HHIP: variants seen among roughly 807,000 people sequenced by gnomAD.
HHIP encodes the protein hedgehog interacting protein.
In HHIP, 12 loss-of-function variants were observed where a neutral mutation model predicts 74.0. That is an observed-to-expected ratio of 0.16 (90% confidence interval 0.10 to 0.26). HHIP has a LOEUF of 0.26. Ranked by LOEUF, HHIP falls within the 10% of genes least tolerant of loss-of-function variation. HHIP has a pLI of 1.00. For missense variants in HHIP, 788 were observed against 845.0 expected, an observed-to-expected ratio of 0.93 and a Z score of 0.84; for synonymous variants, 309 against 311.6, an observed-to-expected ratio of 0.99 and a Z score of 0.09.
chr4:144,710,125 T>C (rs1479851505), intron 7 of HHIP, among the ~76,000 whole-genome samples: 1 of 152,232 alleles, frequency 6.6e-6, no homozygotes, highest in Non-Finnish European at 1.5e-5. Flanking sequence ...GGACCTGGTA[T>C]TCAGCCAGAG....
intron 7 of HHIP, among the ~76,000 whole-genome samples, chr4:144,709,653 G>T (rs1281279241): frequency 1.3e-5 from 2 of 152,102 alleles, no homozygotes; most frequent in African/African-American, 4.8e-5. Context: ...AAAAATAAAG[G>T]GAACTTTTAT....
intron 12 of HHIP, among the ~76,000 whole-genome samples, chr4:144,736,107 C>T (rs1298824891): frequency 2.0e-5 from 3 of 149,994 alleles, no homozygotes; most frequent in African/African-American, 7.3e-5. Context: ...GCTTCCTTTG[C>T]TGCCTAACAA....
chr4:144,742,807 TTA>T lies in HHIP; in HGVS notation c.*4858_*4859del, dbSNP rs1731288790. The T allele has an allele frequency of 6.9e-6, 1 of 145,776 alleles. No individual in the cohort carries two copies. The highest frequency in any genetic ancestry group is 1.5e-5 in the Non-Finnish European group (1 of 66,736). The allele number at this position is 145,776 out of a possible 1,614,324, so 9.0% of individuals were successfully genotyped here. On this transcript the variant is annotated 3_prime_UTR_variant, in exon 13 of 13. Coordinates refer to ENST00000296575, the MANE Select transcript of HHIP (RefSeq NM_022475.3). Reference sequence around the variant, plus strand: ...AAACATAAATTGGTCATATATATATTTATATATATGGTTATATATATTTGGTT... The same window carrying T: ...AAACATAAATTGGTCATATATATATTTATATATGGTTATATATATTTGGTT...
At chr4:144,696,279 T>G (rs1250580077) in intron 4 of HHIP, among the ~76,000 whole-genome samples, 1 of 151,892 alleles carries the variant, frequency 6.6e-6, no homozygotes. Context: ...GCACCTCTTT[T>G]TTTTTTCCCA....
At chr4:144,691,035 A>T (rs1578702173) in intron 4 of HHIP, among the ~76,000 whole-genome samples, 1 of 152,302 alleles carries the variant, frequency 6.6e-6, no homozygotes, top group East Asian at 1.9e-4. Context: ...TTCCTACTTC[A>T]AGACTGTTTC....
chr4:144,738,453 A>G lies in HHIP; in HGVS notation c.*496A>G. Reference sequence around the variant, plus strand: ...GAACTCCCTGATGAATTTCTAAGTGAGCAACTTGATATAAAATTGTAATCT... The same window carrying G: ...GAACTCCCTGATGAATTTCTAAGTGGGCAACTTGATATAAAATTGTAATCT... On this transcript the variant is annotated 3_prime_UTR_variant, in exon 13 of 13. Transcript: ENST00000296575. The G allele has an allele frequency of 1.0e-6, 1 of 979,284 alleles. No individual in the cohort carries two copies. Among genetic ancestry groups the G allele is most frequent in the African/African-American group, 1.7e-5 (1 of 57,202 alleles). The allele number at this position is 979,284 out of a possible 1,614,324, so 60.7% of individuals were successfully genotyped here. A position where few individuals can be genotyped will look rare whatever the true frequency, so the allele number is the denominator to read the frequency against.
At chr4:144,723,975 A>G (rs912337503) in intron 11 of HHIP, among the ~76,000 whole-genome samples, 3 of 152,174 alleles carry the variant, frequency 2.0e-5, no homozygotes, top group East Asian at 3.9e-4. Flanking sequence ...AGTATACTAG[A>G]TTTCCTGTTG....
chr4:144,718,950 C>A lies in HHIP; in HGVS notation c.1754C>A (p.Pro585His). The change falls in exon 11 of 13, where the codon CCC becomes CAC. Residue 585 changes from proline (P) to histidine (H), a missense_variant. Physicochemically the swap from Pro to His is moderately conservative, Grantham distance 77. Around this residue, in one of 3 missense-constraint regions of HHIP, gnomAD observed 343 missense variants for 347.9 expected, o/e 0.99. Coordinates refer to ENST00000296575, the MANE Select transcript of HHIP (RefSeq NM_022475.3). Reference protein sequence around the residue: ...HNGKLYKIVDPKRPLMPEECR... With the variant: ...HNGKLYKIVDHKRPLMPEECR... ...GGAAAACTCTACAAAATTGTAGATC[C>A]CAAAAGGTGAGATTTCCTTTTATCC... The A allele has an allele frequency of 6.3e-7, 1 of 1,584,242 alleles. No homozygotes were observed. Among genetic ancestry groups the A allele is most frequent in the Non-Finnish European group, 8.7e-7 (1 of 1,153,374 alleles).
chr4:144,733,346 A>G (rs540025756), intron 11 of HHIP, among the ~76,000 whole-genome samples: 70 of 152,324 alleles, frequency 4.6e-4, no homozygotes, highest in African/African-American at 1.6e-3. Flanking sequence ...AGCACTTTCG[A>G]CATAGAGTGG....
chr4:144,649,021 C>T lies in HHIP; in HGVS notation c.279+2067C>T, dbSNP rs1728347417. Among the ~76,000 whole-genome samples, 5 of 152,142 alleles carry T rather than the reference C, an allele frequency of 3.3e-5. No homozygotes were observed. In the South Asian group the frequency reaches 1.0e-3, roughly 32 times the overall value. Reference sequence around the variant, plus strand: ...TCAACAATACCCAAATTGTTCAAAACAGAGATTTGCTATAGCTATGCATAT... The same window carrying T: ...TCAACAATACCCAAATTGTTCAAAATAGAGATTTGCTATAGCTATGCATAT... On this transcript the variant is annotated intron_variant, in intron 1 of 12. Coordinates refer to ENST00000296575, the MANE Select transcript of HHIP (RefSeq NM_022475.3).
Position 144,707,203 on chromosome 4 carries a change from T to C in HHIP, c.1100T>C (p.Ile367Thr). The C allele has an allele frequency of 6.2e-7, 1 of 1,614,018 alleles. No homozygotes were observed. Among genetic ancestry groups the C allele is most frequent in the Non-Finnish European group, 8.5e-7 (1 of 1,179,968 alleles). ...LLFGPDGFLY[I>T]ILGDGMITLD... ...TTTGGCCCTGACGGCTTTTTGTACA[T>C]CATTCTTGGTGATGGGATGATTACA... is the stretch of plus-strand genomic sequence containing the variant. Residue 367 changes from isoleucine (I) to threonine (T), a missense_variant, in exon 6 of 13, where the codon ATC (isoleucine) becomes ACC (threonine). By Grantham distance (89) the Ile-to-Thr change is moderately conservative. Around this residue, in one of 3 missense-constraint regions of HHIP, gnomAD observed 72 missense variants for 130.6 expected, o/e 0.55. Coordinates refer to ENST00000296575, the MANE Select transcript of HHIP (RefSeq NM_022475.3).
intron 4 of HHIP, among the ~76,000 whole-genome samples, chr4:144,688,331 A>G (rs777972141): frequency 8.5e-5 from 13 of 152,188 alleles, no homozygotes; most frequent in Non-Finnish European, 1.8e-4. Context: ...AAGGAAGTTA[A>G]GCATGGCTTG....
chr4:144,648,328 T>C (rs1167902532), intron 1 of HHIP: 1 of 152,220 alleles, frequency 6.6e-6, no homozygotes, highest in African/African-American at 2.4e-5. Flanking sequence ...ATCATTCTCT[T>C]TCAGTCCCCA....
chr4:144,714,482 T>C, intron 9 of HHIP, 134 bp downstream of exon 9: 1 of 820,106 alleles, frequency 1.2e-6, no homozygotes. Context: ...AAATATTATT[T>C]ACTTTTAGTT....
In HHIP at chr4:144,706,564, T is replaced by C. The variant is rs1357395143; in HGVS notation, c.865T>C (p.Phe289Leu). ...GDERGLLSLA[F>L]HPNYKKNGKL... ...TGAAAGAGGACTGCTAAGCCTCGCA[T>C]TCCATCCCAATTACAAGAAAAATGG... Residue 289 changes from phenylalanine to leucine, a missense_variant, in exon 5 of 13, where the codon TTC (phenylalanine) becomes CTC (leucine). By Grantham distance (22) the Phe-to-Leu change is conservative. Transcript: ENST00000296575. 6.2e-7 allele frequency: 1 copy of C among 1,612,706 alleles called. No homozygotes were observed. Among genetic ancestry groups the C allele is most frequent in the Admixed American group, 1.7e-5 (1 of 59,870 alleles).
In HHIP at chr4:144,743,703, C is replaced by A. The variant is rs1250004384; in HGVS notation, c.*5746C>A. The stretch of plus-strand genomic sequence containing the variant: ...CTCAATTGACTATAATCTTCTAAGT[C>A]AAAAAGAAAACATTTAAGTACATAA... On this transcript the variant is annotated 3_prime_UTR_variant, in exon 13 of 13. Transcript: ENST00000296575. 1.3e-5 allele frequency: 2 copies of A among 151,750 alleles called. No homozygotes were observed. Among genetic ancestry groups the A allele is most frequent in the East Asian group, 3.9e-4 (2 of 5,170 alleles). 9.4% of individuals were successfully genotyped at this position (151,750 alleles called of 1,614,324 possible).
chr4:144,648,816 T>C (rs1467119910), intron 1 of HHIP: 1 of 152,154 alleles, frequency 6.6e-6, no homozygotes, highest in Non-Finnish European at 1.5e-5. Context: ...AGAGAAGTTA[T>C]ATAAAAATTT....
chr4:144,725,961 G>A (rs961413463), intron 11 of HHIP, among the ~76,000 whole-genome samples: 1 of 151,968 alleles, frequency 6.6e-6, no homozygotes, highest in Non-Finnish European at 1.5e-5. Flanking sequence ...ATGAGCCACC[G>A]TGTCCAGGCT....
rs116751495 is a variant in HHIP at position 144,670,718 on chromosome 4, A to C, written c.831+10880A>C. Among the ~76,000 whole-genome samples the C allele has an allele frequency of 8.3e-3, 1,238 of 149,762 alleles. 16 individuals are homozygous for C. Among genetic ancestry groups the C allele is most frequent in the African/African-American group, 0.026 (1,046 of 40,642 alleles). ...AAGAATTTCTTTAAGAAAAAAAAAA[A>C]AAACAAACAAGATTGTGCCTGTGAG... On this transcript the variant is annotated intron_variant, in intron 4 of 12. Transcript: ENST00000296575.
Sources: allele counts gnomAD v4.1 joint callset (sites outside exome capture counted in the v4.1 genomes callset), GRCh38; gene constraint gnomAD v4.1.1; regional missense constraint gnomAD v4.1.1; transcripts MANE v1.5; gene names NCBI Gene and HGNC (gene_info 2026-07-23, HGNC 2026-07-21).